Variants in STON2 observed in about 807,000 individuals in gnomAD.
The protein encoded by STON2 is stonin 2.
In STON2, 29 loss-of-function variants were observed where a neutral mutation model predicts 65.7. The ratio of observed to expected loss-of-function variants is 0.44; its 90% CI spans 0.33 to 0.60. The LOEUF is 0.60. STON2 is among the 20% of genes least tolerant of loss of function. The probability of loss-of-function intolerance (pLI) is 0.03; values close to 1 mark genes in which losing one functional copy is unlikely to be tolerated. For missense variants in STON2, 1,054 were observed against 1,118.1 expected, an observed-to-expected ratio of 0.94 and a Z score of 0.82; for synonymous variants, 404 against 414.2, an observed-to-expected ratio of 0.98 and a Z score of 0.30.
chr14:81,410,321 T>C (rs946986520), intron 2 of STON2, among the ~76,000 whole-genome samples: 2 of 129,052 alleles, frequency 1.5e-5, no homozygotes, highest in African/African-American at 5.8e-5. Context: ...AAGAGATCAA[T>C]GTGGTAGGCA....
At chr14:81,288,125 G>A (rs1297562448) in intron 5 of STON2, among the ~76,000 whole-genome samples, 1 of 152,222 alleles carries the variant, frequency 6.6e-6, no homozygotes. Flanking sequence ...ACTAGTGATA[G>A]TGAAACCTGC....
chr14:81,364,357 A>G (rs1283229246), intron 4 of STON2, among the ~76,000 whole-genome samples: 2 of 152,214 alleles, frequency 1.3e-5, no homozygotes, highest in Non-Finnish European at 2.9e-5. Flanking sequence ...AAAGGCCAAG[A>G]GGTTCAGCAG....
Position 81,268,015 on chromosome 14 carries a change from C to G in STON2, c.*399G>C. 2.0e-6 allele frequency: 2 copies of G among 986,870 alleles called. No individual in the cohort carries two copies. Among genetic ancestry groups the G allele is most frequent in the Non-Finnish European group, 2.4e-6 (2 of 830,972 alleles). The allele number at this position is 986,870 out of a possible 1,614,324, so 61.1% of individuals were successfully genotyped here. A position where few individuals can be genotyped will look rare whatever the true frequency, so the allele number is the denominator to read the frequency against. ...AGACTGCCTTTGCCAGAAAGTTATG[C>G]GAGTGACAGATGAACATCAGAAGGC... is the stretch of plus-strand genomic sequence containing the variant. On this transcript the variant is annotated 3_prime_UTR_variant, in exon 8 of 8. Transcript: ENST00000614646.
At chr14:81,384,305 T>C (rs1053670814) in intron 3 of STON2, among the ~76,000 whole-genome samples, 1 of 152,168 alleles carries the variant, frequency 6.6e-6, no homozygotes, top group Admixed American at 6.5e-5. Context: ...TGGAGTGTAG[T>C]GGCACAATCT....
At chr14:81,315,795 G>C (rs189255114) in intron 5 of STON2, among the ~76,000 whole-genome samples, 1 of 152,186 alleles carries the variant, frequency 6.6e-6, no homozygotes, top group Non-Finnish European at 1.5e-5. Flanking sequence ...GAGCAGACAT[G>C]GCCCTTGGCA....
intron 5 of STON2, among the ~76,000 whole-genome samples, chr14:81,299,447 C>A (rs981842097): frequency 6.6e-6 from 1 of 152,160 alleles, no homozygotes; most frequent in East Asian, 1.9e-4. Context: ...CCCAGTCTCA[C>A]CTATTCAGCG....
Position 81,276,968 on chromosome 14 carries a change from A to G in STON2, c.2514T>C (p.Thr838=). Residue 838 remains threonine, a synonymous_variant, in exon 6 of 8, where the codon ACT becomes ACC. Coordinates refer to ENST00000614646, the MANE Select transcript of STON2 (RefSeq NM_001394390.1). ...AGTTGAAGGCATGCTCGTACTTGGC[A>G]GTTCCCAGAGTTACTCTCATGACAG... ...SEPVMRVTLG[T]AKYEHAFNSI... 3 of 1,614,238 alleles carry G rather than the reference A, an allele frequency of 1.9e-6. No homozygotes were observed. Among genetic ancestry groups the G allele is most frequent in the African/African-American group, 1.3e-5 (1 of 75,072 alleles).
At chr14:81,279,619 A>G (rs1272103510) in intron 5 of STON2, among the ~76,000 whole-genome samples, 3 of 152,110 alleles carry the variant, frequency 2.0e-5, no homozygotes, top group Admixed American at 6.6e-5. Context: ...TGAACCCAGG[A>G]GGCAGAGATA....
At position 81,264,156 on chromosome 14, in the gene STON2, T is replaced by G. The variant is rs1894269992; in HGVS notation, c.*4258A>C. On this transcript the variant is annotated 3_prime_UTR_variant, in exon 8 of 8. Coordinates refer to ENST00000614646, the MANE Select transcript of STON2 (RefSeq NM_001394390.1). ...TCAATCACCGTGACTATGGACAGCATCTATGCTACTATGCTTTGGGGCACA... is the reference window on the plus strand; with the variant it reads ...TCAATCACCGTGACTATGGACAGCAGCTATGCTACTATGCTTTGGGGCACA... 1 of 985,442 alleles carries G rather than the reference T, an allele frequency of 1.0e-6. No homozygotes were observed. Among genetic ancestry groups the G allele is most frequent in the Non-Finnish European group, 1.2e-6 (1 of 829,938 alleles). 61.0% of individuals were successfully genotyped at this position (985,442 alleles called of 1,614,324 possible).
chr14:81,281,146 A>G (rs940547651), intron 5 of STON2, among the ~76,000 whole-genome samples: 8 of 152,204 alleles, frequency 5.3e-5, no homozygotes, highest in Non-Finnish European at 8.8e-5. Context: ...TACAGTGACT[A>G]AAAAGGATTC....
At chr14:81,279,055 G>T (rs6574635) in intron 5 of STON2, among the ~76,000 whole-genome samples, 130,122 of 152,172 alleles carry the variant, frequency 0.86, 56,098 homozygotes, top group African/African-American at 0.93. Flanking sequence ...GAATAGATGT[G>T]TTCTGTACTT....
intron 2 of STON2, among the ~76,000 whole-genome samples, chr14:81,410,752 A>C (rs557390592): frequency 1.3e-5 from 2 of 152,314 alleles, no homozygotes; most frequent in African/African-American, 4.8e-5. Context: ...AAAATCTCTG[A>C]TTGTCAAGGA....
chr14:81,330,558 TG>T (rs1352509834), intron 4 of STON2, among the ~76,000 whole-genome samples: 1 of 152,216 alleles, frequency 6.6e-6, no homozygotes, highest in East Asian at 1.9e-4. Flanking sequence ...TTATTAAAAA[TG>T]TATTTTTTAC....
At chr14:81,316,877 G>A (rs564667997) in intron 5 of STON2, among the ~76,000 whole-genome samples, 6 of 152,210 alleles carry the variant, frequency 3.9e-5, no homozygotes, top group East Asian at 1.9e-4. Context: ...AAAATTAGCC[G>A]GGCATTGTGG....
intron 2 of STON2, among the ~76,000 whole-genome samples, chr14:81,408,158 C>CACACACACGT (rs1491573285): frequency 6.3e-5 from 6 of 94,554 alleles, no homozygotes; most frequent in African/African-American, 4.1e-4. Flanking sequence ...CACACACACA[C>CACACACACGT]GCGCACACAC....
At chr14:81,421,402 G>A (rs566019119) in intron 2 of STON2, among the ~76,000 whole-genome samples, 9 of 152,298 alleles carry the variant, frequency 5.9e-5, no homozygotes, top group East Asian at 5.8e-4. Context: ...AATGGAGATC[G>A]ATTAAACAAT....
intron 4 of STON2, among the ~76,000 whole-genome samples, chr14:81,352,831 C>A (rs1394254941): frequency 6.6e-6 from 1 of 152,158 alleles, no homozygotes; most frequent in Non-Finnish European, 1.5e-5. Flanking sequence ...TTATTAAGAG[C>A]TTCCAAAATA....
intron 4 of STON2, among the ~76,000 whole-genome samples, chr14:81,337,366 G>A (rs1897412806): frequency 6.6e-6 from 1 of 152,134 alleles, no homozygotes; most frequent in South Asian, 2.1e-4. Context: ...TATGTGCCAG[G>A]CACCGGTGAT....
intron 5 of STON2, among the ~76,000 whole-genome samples, chr14:81,291,789 T>C (rs1355159364): frequency 6.6e-6 from 1 of 151,658 alleles, no homozygotes; most frequent in African/African-American, 2.4e-5. Flanking sequence ...TAAACCTTTG[T>C]AGAAACTTGA....
Sources: gnomAD v4.1 joint callset for allele counts (sites outside exome capture counted in the v4.1 genomes callset) on GRCh38, gnomAD v4.1.1 for gene constraint, MANE v1.5 for transcripts, NCBI Gene and HGNC (gene_info 2026-07-23, HGNC 2026-07-21) for gene names.